The following NRDE2 variants were observed in gnomAD, a reference collection of about 807,000 sequenced individuals.
NRDE2 encodes nuclear exosome regulator NRDE2.
Under a neutral mutation model 124.2 loss-of-function variants are expected in NRDE2, and 76 were observed. That is an observed-to-expected ratio of 0.61 (90% CI 0.51 to 0.74). NRDE2 has a LOEUF of 0.74. NRDE2 is among the 30% of genes least tolerant of loss of function. NRDE2 has a pLI of 0.00. For synonymous variants in NRDE2, 489 were observed against 528.1 expected, an observed-to-expected ratio of 0.93 and a Z score of 1.01; for missense variants, 1,314 against 1,417.3, an observed-to-expected ratio of 0.93 and a Z score of 1.17.
chr14:90,322,968 G>A (rs957779881), intron 1 of NRDE2, among the ~76,000 whole-genome samples: 5 of 152,166 alleles, frequency 3.3e-5, no homozygotes, highest in East Asian at 3.8e-4. Flanking sequence ...AAATGCCTAC[G>A]GTTTAAGAAA....
intron 8 of NRDE2, among the ~76,000 whole-genome samples, chr14:90,296,389 G>A (rs1884148059): frequency 6.6e-6 from 1 of 151,976 alleles, no homozygotes; most frequent in Non-Finnish European, 1.5e-5. Context: ...ATTCTTTTTG[G>A]AAAAGAACAC....
intron 8 of NRDE2, 121 bp downstream of exon 8, chr14:90,298,139 G>T: frequency 2.8e-6 from 3 of 1,077,918 alleles, no homozygotes; most frequent in Non-Finnish European, 4.1e-6. Context: ...TTGACATTTT[G>T]ATGTTTGTGC....
intron 1 of NRDE2, among the ~76,000 whole-genome samples, chr14:90,318,802 C>T (rs925197251): frequency 6.6e-6 from 1 of 151,972 alleles, no homozygotes; most frequent in African/African-American, 2.4e-5. Flanking sequence ...CCATCTCAAA[C>T]AAAACAAAAC....
At chr14:90,314,628 G>C (rs76854164) in intron 3 of NRDE2, among the ~76,000 whole-genome samples, 1 of 152,128 alleles carries the variant, frequency 6.6e-6, no homozygotes, top group African/African-American at 2.4e-5. Context: ...GTAGCTAGAA[G>C]TTGAGTTTTG....
Position 90,271,847 on chromosome 14 carries a change from CA to C in NRDE2, c.*6488del, listed in dbSNP as rs2139653572. ...AAAAATCAAATCTTTCCCAAATAAG[CA>C]ATTTGTGTTTAGTCTAGGTGTCTCA... On this transcript the variant is annotated 3_prime_UTR_variant, in exon 14 of 14. Transcript: ENST00000354366. 6.6e-6 allele frequency: 1 copy of C among 151,682 alleles called. No homozygotes were observed. Among genetic ancestry groups the C allele is most frequent in the Non-Finnish European group, 1.5e-5 (1 of 68,078 alleles). The allele number at this position is 151,682 out of a possible 1,614,324, so 9.4% of individuals were successfully genotyped here.
intron 1 of NRDE2, among the ~76,000 whole-genome samples, chr14:90,323,888 T>TA (rs1258359420): frequency 2.0e-5 from 3 of 152,190 alleles, no homozygotes; most frequent in Middle Eastern, 3.2e-3. Context: ...TCTTTTTTTT[T>TA]ATTCCGTAAT....
chr14:90,293,099 T>G (rs1292688509), intron 8 of NRDE2, among the ~76,000 whole-genome samples: 5 of 152,114 alleles, frequency 3.3e-5, no homozygotes, highest in Admixed American at 2.0e-4. Flanking sequence ...TTTAATAGTA[T>G]AGTGATTAAA....
rs191503012 is a variant in NRDE2, at chr14:90,294,288, T to C, written c.1667-1416A>G. Among the ~76,000 whole-genome samples, 535 of 151,874 alleles carry C rather than the reference T, an allele frequency of 3.5e-3. 3 individuals are homozygous for C. Among genetic ancestry groups the C allele is most frequent in the African/African-American group, 0.013 (522 of 41,384 alleles). On this transcript the variant is annotated intron_variant, in intron 8 of 13. Transcript: ENST00000354366. ...AATGTAAAATGGTGCAGCTGCCGTC[T>C]GCTGTATGGAAAACAGCATGGCATA...
intron 11 of NRDE2, among the ~76,000 whole-genome samples, chr14:90,287,058 AAAAAAG>A (rs1892127441): frequency 6.6e-6 from 1 of 150,540 alleles, no homozygotes; most frequent in Admixed American, 6.6e-5. Flanking sequence ...AAAAAAAAAA[AAAAAAG>A]AGAAAGAAAG....
At chr14:90,294,755 T>G (rs945429473) in intron 8 of NRDE2, among the ~76,000 whole-genome samples, 8 of 151,994 alleles carry the variant, frequency 5.3e-5, no homozygotes, top group African/African-American at 1.9e-4. Context: ...TCGATAGAGG[T>G]GATGGCTGCA....
chr14:90,304,272 T>G lies in NRDE2; in HGVS notation c.668A>C (p.Tyr223Ser), dbSNP rs1434374658. Reference protein sequence around the residue: ...KKHSRKQVERYFTKKSVGLMN... With the variant: ...KKHSRKQVERSFTKKSVGLMN... ...TAATCCCACACTCTTCTTAGTAAAA[T>G]AGCGTTCAACCTGCTTGCGTGAATG... is the stretch of plus-strand genomic sequence containing the variant. The change falls in exon 5 of 14, where the codon TAT becomes TCT. Residue 223 changes from tyrosine to serine, a missense_variant. By Grantham distance (144) the Tyr-to-Ser change is moderately radical. Transcript: ENST00000354366. The G allele has an allele frequency of 6.2e-7, 1 of 1,614,128 alleles. No homozygotes were observed. Among genetic ancestry groups the G allele is most frequent in the Non-Finnish European group, 8.5e-7 (1 of 1,180,008 alleles).
At chr14:90,298,036 A>G (rs1884244463) in intron 8 of NRDE2, among the ~76,000 whole-genome samples, 1 of 152,192 alleles carries the variant, frequency 6.6e-6, no homozygotes, top group Non-Finnish European at 1.5e-5. Flanking sequence ...GAAATTACAG[A>G]AACTTTCAAA....
In NRDE2 at chr14:90,270,105, C is replaced by A; in HGVS notation, c.*8231G>T. 1 of 1,339,810 alleles carries A rather than the reference C, an allele frequency of 7.5e-7. No homozygotes were observed. The highest frequency in any genetic ancestry group is 1.0e-6 in the Non-Finnish European group (1 of 987,666). 83.0% of individuals were successfully genotyped at this position (1,339,810 alleles called of 1,614,324 possible). A position where few individuals can be genotyped will look rare whatever the true frequency, so the allele number is the denominator to read the frequency against. On this transcript the variant is annotated 3_prime_UTR_variant, in exon 14 of 14. Transcript: ENST00000354366. ...CCCACAGAATTCTGTCCGACTGAAA[C>A]TTCGTATGTAAGGAGATGGGCTGAG...
At chr14:90,319,718 C>G (rs968070467) in intron 1 of NRDE2, among the ~76,000 whole-genome samples, 2 of 152,160 alleles carry the variant, frequency 1.3e-5, no homozygotes, top group African/African-American at 4.8e-5. Flanking sequence ...CACATTTTAC[C>G]TGTCCATTAG....
intron 1 of NRDE2, among the ~76,000 whole-genome samples, chr14:90,330,933 T>A (rs1397556217): frequency 6.6e-6 from 1 of 151,802 alleles, no homozygotes; most frequent in Non-Finnish European, 1.5e-5. Context: ...AATTACTTTT[T>A]TTTCTTTTTT....
chr14:90,320,761 C>T (rs1027469012), intron 1 of NRDE2, among the ~76,000 whole-genome samples: 1 of 152,192 alleles, frequency 6.6e-6, no homozygotes, highest in Non-Finnish European at 1.5e-5. Context: ...GCAGGCCAAA[C>T]ACCAGGCTAA....
At position 90,317,288 on chromosome 14, in the gene NRDE2, T is replaced by G. The variant is rs576098607; in HGVS notation, c.174-477A>C. Among the ~76,000 whole-genome samples, 391 of 152,268 alleles carry G rather than the reference T, an allele frequency of 2.6e-3. 4 individuals are homozygous for G. The highest frequency in any genetic ancestry group is 9.0e-3 in the African/African-American group (374 of 41,544). ...AATAATAATTTTCAAAAAAAATCAT[T>G]ATAAAAAGGTTTATTTTCAGTGCCA... On this transcript the variant is annotated intron_variant, in intron 2 of 13. Coordinates refer to ENST00000354366, the MANE Select transcript of NRDE2 (RefSeq NM_017970.4).
intron 6 of NRDE2, among the ~76,000 whole-genome samples, chr14:90,302,050 T>C (rs1884424019): frequency 2.0e-5 from 3 of 152,328 alleles, no homozygotes; most frequent in Non-Finnish European, 2.9e-5. Context: ...TGCCGGACAC[T>C]GAGCTAGACT....
At position 90,290,289 on chromosome 14, in the gene NRDE2, T is replaced by C; in HGVS notation, c.2161A>G (p.Met721Val). The C allele has an allele frequency of 6.2e-7, 1 of 1,614,056 alleles. No homozygotes were observed. Residue 721 changes from methionine to valine, a missense_variant, in exon 10 of 14, where the codon ATG becomes GTG. Met to Val is a conservative substitution (Grantham distance 21). Coordinates refer to ENST00000354366, the MANE Select transcript of NRDE2 (RefSeq NM_017970.4). Reference sequence around the variant, plus strand: ...TTCTCTTTGCCTGAAAATAAAGGCATGACAAGGTGGAAGACATTGCGGATG... The same window carrying C: ...TTCTCTTTGCCTGAAAATAAAGGCACGACAAGGTGGAAGACATTGCGGATG... ...EFIRNVFHLVMPLFSGKEKSQ... is the reference protein window; with the variant it reads ...EFIRNVFHLVVPLFSGKEKSQ...
Sources: gnomAD v4.1 joint callset for allele counts (sites outside exome capture counted in the v4.1 genomes callset) on GRCh38, gnomAD v4.1.1 for gene constraint, MANE v1.5 for transcripts, NCBI Gene and HGNC (gene_info 2026-07-23, HGNC 2026-07-21) for gene names.